The following C16orf96 variants were observed in gnomAD, a reference collection of about 807,000 sequenced individuals.
C16orf96 encodes uncharacterized protein C16orf96.
Under a neutral mutation model 103.6 loss-of-function variants are expected in C16orf96, and 108 were observed. The observed-to-expected ratio is 1.04, with a 90% CI of 0.89 to 1.22. The LOEUF is 1.22. Among genes scored for constraint, C16orf96 ranks in the 50% most tolerant of loss-of-function variants. C16orf96 has a pLI of 0.00. For missense variants in C16orf96, 1,586 were observed against 1,464.2 expected (o/e 1.08, Z -1.36); for synonymous variants, 566 against 593.5 (o/e 0.95, Z 0.67).
chr16:4,558,913 C>CA (rs771691344), intron 1 of C16orf96, among the ~76,000 whole-genome samples: 808 of 51,174 alleles, frequency 0.016, 7 homozygotes, highest in South Asian at 0.025. Flanking sequence ...GACTCTGTCT[C>CA]AAAAAAAAAA....
chr16:4,570,745 C>A (rs750738908), intron 1 of C16orf96, among the ~76,000 whole-genome samples: 1 of 152,128 alleles, frequency 6.6e-6, no homozygotes, highest in African/African-American at 2.4e-5. Flanking sequence ...GGATTATAGG[C>A]ATGAGCCACC....
rs969038490 is a variant in C16orf96, at chr16:4,576,341, G to C, written c.1861G>C (p.Ala621Pro). The C allele has an allele frequency of 1.0e-5, 16 of 1,550,696 alleles. No homozygotes were observed. The African/African-American group carries it at 1.5e-4, about 15-fold the overall frequency. ...TAAAGPLGVFADVLGAGPSRG... is the reference protein window; with the variant it reads ...TAAAGPLGVFPDVLGAGPSRG... ...TGCAGCTGGGCCCCTAGGGGTCTTT[G>C]CAGATGTCCTGGGTGCAGGGCCTTC... Residue 621 changes from alanine to proline, a missense_variant, in exon 5 of 16, where the codon GCA (alanine) becomes CCA (proline). By Grantham distance (27) the Ala-to-Pro change is conservative. Coordinates refer to ENST00000444310, the MANE Select transcript of C16orf96 (RefSeq NM_001145011.2).
chr16:4,583,756 C>T (rs988071853), intron 7 of C16orf96, among the ~76,000 whole-genome samples: 1 of 151,370 alleles, frequency 6.6e-6, no homozygotes, highest in African/African-American at 2.4e-5. Flanking sequence ...AACCGTGTCT[C>T]TACTAAAAAT....
intron 1 of C16orf96, 47 bp from the exon 2 acceptor site, chr16:4,571,514 C>G (rs2141712300): frequency 1.3e-6 from 2 of 1,493,684 alleles, no homozygotes; most frequent in East Asian, 4.9e-5. Flanking sequence ...CACTTACCTT[C>G]TCCCCCAGCC....
intron 7 of C16orf96, among the ~76,000 whole-genome samples, chr16:4,582,578 G>A (rs954437696): frequency 1.3e-5 from 2 of 152,124 alleles, no homozygotes; most frequent in Admixed American, 6.6e-5. Context: ...TGGAGATGCT[G>A]GGCCGAGTGT....
At chr16:4,599,173 T>C (rs1175670330) in intron 14 of C16orf96, 111 bp from the exon 15 acceptor site, 3 of 849,942 alleles carry the variant, frequency 3.5e-6, no homozygotes, top group Admixed American at 2.2e-5. Context: ...CCGGGGAGCC[T>C]GGGAAATGGG....
chr16:4,579,596 A>C (rs1012419121), intron 6 of C16orf96, among the ~76,000 whole-genome samples: 11 of 128,558 alleles, frequency 8.6e-5, no homozygotes, highest in South Asian at 2.7e-4. Context: ...GGTGGAAGGC[A>C]CCCTGGTCTG....
chr16:4,546,161 CTTT>C, the C16orf96 span, among the ~76,000 whole-genome samples: 31 of 134,224 alleles, frequency 2.3e-4, no homozygotes, highest in African/African-American at 2.8e-4. Context: ...TTCCTTCTTT[CTTT>C]TTTTTTTTTT....
chr16:4,563,064 C>G (rs747897292), intron 1 of C16orf96: 11 of 851,814 alleles, frequency 1.3e-5, no homozygotes, highest in Non-Finnish European at 2.2e-5. Flanking sequence ...CTCCAAGTTT[C>G]GCCTGTCTTT....
At position 4,574,764 on chromosome 16, in the gene C16orf96, A is replaced by G. The variant is rs2059479748; in HGVS notation, c.581A>G (p.Lys194Arg). ...GAAGACTTCAAAATACAGAACTGGA[A>G]GATGGTTGCACTGCAGCGGGAAGTG... ...FAEDFKIQNW[K>R]MVALQREVAS... The change falls in exon 3 of 16, where the codon AAG (lysine) becomes AGG (arginine). Residue 194 changes from lysine (K) to arginine (R), a missense_variant. Lys to Arg is a conservative substitution (Grantham distance 26). Transcript: ENST00000444310. The G allele has an allele frequency of 6.4e-7, 1 of 1,551,854 alleles. No individual in the cohort carries two copies. Among genetic ancestry groups the G allele is most frequent in the South Asian group, 1.2e-5 (1 of 84,060 alleles).
the C16orf96 span, among the ~76,000 whole-genome samples, chr16:4,548,018 G>C: frequency 2.6e-5 from 4 of 152,070 alleles, no homozygotes; most frequent in Admixed American, 6.6e-5. Flanking sequence ...TATACTAAAA[G>C]CCATTGAATT....
chr16:4,558,008 T>C (rs941193420), intron 1 of C16orf96, among the ~76,000 whole-genome samples: 1 of 152,128 alleles, frequency 6.6e-6, no homozygotes, highest in Non-Finnish European at 1.5e-5. Flanking sequence ...GGAGCTACCA[T>C]GGGAGAAGTA....
the C16orf96 span, among the ~76,000 whole-genome samples, chr16:4,539,340 G>A: frequency 1.3e-5 from 2 of 152,316 alleles, no homozygotes; most frequent in Admixed American, 1.3e-4. Flanking sequence ...CTTGTTGCCT[G>A]AGAACCAGGC....
intron 5 of C16orf96, among the ~76,000 whole-genome samples, chr16:4,577,180 AAACTCT>A (rs1337137787): frequency 1.6e-4 from 25 of 151,718 alleles, no homozygotes; most frequent in African/African-American, 6.1e-4. Flanking sequence ...AACAAGAACG[AAACTCT>A]GTCTCAAAAA....
At chr16:4,581,155 T>TATAC (rs1442100064) in intron 7 of C16orf96, among the ~76,000 whole-genome samples, 2 of 96,766 alleles carry the variant, frequency 2.1e-5, no homozygotes, top group Non-Finnish European at 3.9e-5. Context: ...TATATATATA[T>TATAC]ATATATATAT....
chr16:4,538,620 A>C, the C16orf96 span: 2 of 152,168 alleles, frequency 1.3e-5, no homozygotes, highest in Non-Finnish European at 2.9e-5. Context: ...CCCCGACCTG[A>C]GGAGAGCTGG....
Position 4,593,337 on chromosome 16 carries a change from G to C in C16orf96, c.2867+21G>C. 6.5e-7 allele frequency: 1 copy of C among 1,546,988 alleles called. No homozygotes were observed. Among genetic ancestry groups the C allele is most frequent in the East Asian group, 2.4e-5 (1 of 40,830 alleles). ...ATGAGGTGAGCAGGATGGGCGCCCC[G>C]CAGGGAGGCCGCCCCGCATGGAGGC... is the stretch of plus-strand genomic sequence containing the variant. On this transcript the variant is annotated intron_variant, in intron 12 of 15. Coordinates refer to ENST00000444310, the MANE Select transcript of C16orf96 (RefSeq NM_001145011.2). This position sits in a 1 kb window ranked among gnomAD's most constrained non-coding sequence, Gnocchi z 4.2.
rs183720231 is a variant in C16orf96 at position 4,597,900 on chromosome 16, C to T, written c.3128-1384C>T. 9.9e-4 allele frequency among the ~76,000 whole-genome samples: 150 copies of T among 152,166 alleles called. 1 individual carries two copies. The highest frequency in any genetic ancestry group is 3.5e-3 in the African/African-American group (146 of 41,518). On this transcript the variant is annotated intron_variant, in intron 14 of 15. Coordinates refer to ENST00000444310, the MANE Select transcript of C16orf96 (RefSeq NM_001145011.2). Reference sequence around the variant, plus strand: ...ACTATATATTACATTGAAATTGTGACGGATTTATAGCATCTTAAAGCTGAA... The same window carrying T: ...ACTATATATTACATTGAAATTGTGATGGATTTATAGCATCTTAAAGCTGAA...
intron 7 of C16orf96, among the ~76,000 whole-genome samples, chr16:4,584,166 C>T (rs1000751966): frequency 1.3e-5 from 2 of 152,016 alleles, no homozygotes; most frequent in African/African-American, 2.4e-5. Context: ...TCTTGCTCTC[C>T]ACCATGTGAC....
Sources: allele counts gnomAD v4.1 joint callset (sites outside exome capture counted in the v4.1 genomes callset), GRCh38; gene constraint gnomAD v4.1.1; non-coding constraint Gnocchi (gnomAD v3.1); transcripts MANE v1.5; gene names NCBI Gene and HGNC (gene_info 2026-07-23, HGNC 2026-07-21).